Variants in MMP16 observed in about 807,000 individuals in gnomAD.
MMP16 encodes matrix metalloproteinase-16.
In MMP16, 12 loss-of-function variants were observed where a neutral mutation model predicts 67.8. The observed-to-expected ratio is 0.18, with a 90% confidence interval of 0.11 to 0.29. MMP16 has a LOEUF of 0.29. Ranked by LOEUF, MMP16 falls within the 10% of genes least tolerant of loss-of-function variation. The pLI is 1.00. For synonymous variants in MMP16, 249 were observed against 255.9 expected, an observed-to-expected ratio of 0.97 and a Z score of 0.26; for missense variants, 475 against 765.7, an observed-to-expected ratio of 0.62 and a Z score of 4.48.
chr8:88,192,382 T>G (rs1809182680), intron 2 of MMP16, among the ~76,000 whole-genome samples: 1 of 152,172 alleles, frequency 6.6e-6, no homozygotes. Flanking sequence ...CAAAACTGTA[T>G]TAAGCCACTA....
Position 88,122,689 on chromosome 8 carries a change from A to G in MMP16, c.710-3828T>C, listed in dbSNP as rs1008413769. On this transcript the variant is annotated intron_variant, in intron 4 of 9. Coordinates refer to ENST00000286614, the MANE Select transcript of MMP16 (RefSeq NM_005941.5). ...TGCAGCCCTATCAGACTATGTGTACAGTTGGTTTCTCTAGTTGAGAAGCTA... is the reference window on the plus strand; with the variant it reads ...TGCAGCCCTATCAGACTATGTGTACGGTTGGTTTCTCTAGTTGAGAAGCTA... Among the ~76,000 whole-genome samples the G allele has an allele frequency of 2.0e-5, 3 of 151,802 alleles. No individual in the cohort carries two copies. The South Asian group carries it at 6.2e-4, about 32-fold the overall frequency.
At chr8:88,325,697 AGTT>A (rs1454761124) in intron 1 of MMP16, among the ~76,000 whole-genome samples, 10 of 152,214 alleles carry the variant, frequency 6.6e-5, no homozygotes, top group Admixed American at 5.9e-4. Flanking sequence ...AGAAAAATAA[AGTT>A]GTATTTTTCA....
chr8:88,047,878 G>A (rs1176790967), intron 8 of MMP16, among the ~76,000 whole-genome samples: 3 of 152,138 alleles, frequency 2.0e-5, no homozygotes, highest in Admixed American at 2.0e-4. Flanking sequence ...AATGCCAGTC[G>A]GGATGTCACT....
intron 6 of MMP16, among the ~76,000 whole-genome samples, chr8:88,075,224 C>G (rs181675414): frequency 6.6e-6 from 1 of 152,174 alleles, no homozygotes; most frequent in Non-Finnish European, 1.5e-5. Flanking sequence ...AAGTAGAGCC[C>G]TCTTTCATCA....
intron 1 of MMP16, among the ~76,000 whole-genome samples, chr8:88,247,745 T>G (rs1313476165): frequency 6.6e-6 from 1 of 151,794 alleles, no homozygotes; most frequent in East Asian, 2.0e-4. Flanking sequence ...CAGCTGTACC[T>G]TCGCTCCACA....
At chr8:88,133,645 T>A (rs1212062190) in intron 4 of MMP16, among the ~76,000 whole-genome samples, 4 of 151,830 alleles carry the variant, frequency 2.6e-5, no homozygotes, top group Admixed American at 2.6e-4. Context: ...TAATGACTCT[T>A]AAGTCTTAGT....
At chr8:88,194,386 T>G (rs1006132991) in intron 2 of MMP16, among the ~76,000 whole-genome samples, 20 of 152,054 alleles carry the variant, frequency 1.3e-4, no homozygotes, top group Admixed American at 1.1e-3. Context: ...AAGTGTCAGA[T>G]AAAAATTCAT....
chr8:88,067,313 TG>T (rs1250808740), intron 7 of MMP16, among the ~76,000 whole-genome samples: 6 of 152,108 alleles, frequency 3.9e-5, no homozygotes, highest in South Asian at 2.1e-4. Flanking sequence ...CAACATGCTC[TG>T]GAACAACGAA....
chr8:88,070,930 G>C (rs1032485650), intron 7 of MMP16, among the ~76,000 whole-genome samples: 2 of 151,940 alleles, frequency 1.3e-5, no homozygotes, highest in African/African-American at 2.4e-5. Context: ...CCATTATAGT[G>C]CACTATTATG....
At chr8:88,152,020 G>T (rs1808418629) in intron 4 of MMP16, among the ~76,000 whole-genome samples, 1 of 65,332 alleles carries the variant, frequency 1.5e-5, no homozygotes, top group Admixed American at 1.7e-4. Flanking sequence ...AATAAAAAAT[G>T]ATAAAGGGGA....
intron 1 of MMP16, among the ~76,000 whole-genome samples, chr8:88,258,750 G>A (rs1337642125): frequency 6.6e-6 from 1 of 151,792 alleles, no homozygotes; most frequent in Non-Finnish European, 1.5e-5. Context: ...GCTATTGTTC[G>A]CCTATCTCAA....
intron 4 of MMP16, among the ~76,000 whole-genome samples, chr8:88,137,355 G>C (rs1808138526): frequency 6.6e-6 from 1 of 151,902 alleles, no homozygotes; most frequent in Admixed American, 6.6e-5. Flanking sequence ...TGGAATTTTG[G>C]ATAAGGAATA....
At chr8:88,113,947 T>A (rs2118421009) in intron 6 of MMP16, among the ~76,000 whole-genome samples, 1 of 152,084 alleles carries the variant, frequency 6.6e-6, no homozygotes, top group South Asian at 2.1e-4. Flanking sequence ...CTTTTGAAAC[T>A]TTTCTCAATT....
At chr8:88,113,169 G>A (rs1367511022) in intron 6 of MMP16, among the ~76,000 whole-genome samples, 1 of 151,768 alleles carries the variant, frequency 6.6e-6, no homozygotes, top group Non-Finnish European at 1.5e-5. Flanking sequence ...AAATCTTGTT[G>A]AGGAACACAT....
At chr8:88,144,878 A>T (rs1339058285) in intron 4 of MMP16, among the ~76,000 whole-genome samples, 1 of 152,074 alleles carries the variant, frequency 6.6e-6, no homozygotes, top group Non-Finnish European at 1.5e-5. Context: ...CAATTGCTAC[A>T]GAGAAGTCAG....
At chr8:88,220,402 C>T (rs2129843659) in intron 1 of MMP16, among the ~76,000 whole-genome samples, 1 of 152,142 alleles carries the variant, frequency 6.6e-6, no homozygotes. Flanking sequence ...ATAGAAATCC[C>T]TTTGTCTGTA....
intron 4 of MMP16, among the ~76,000 whole-genome samples, chr8:88,164,189 T>C (rs1808675924): frequency 6.6e-6 from 1 of 152,106 alleles, no homozygotes; most frequent in African/African-American, 2.4e-5. Flanking sequence ...GGCTCTTTCA[T>C]TTGCATTTTT....
chr8:88,325,577 C>T (rs1252334751), intron 1 of MMP16, among the ~76,000 whole-genome samples: 1 of 152,200 alleles, frequency 6.6e-6, no homozygotes, highest in Non-Finnish European at 1.5e-5. Context: ...ATTAAATTAT[C>T]TCTTGATTTA....
At chr8:88,304,083 C>T (rs1811175619) in intron 1 of MMP16, among the ~76,000 whole-genome samples, 1 of 152,072 alleles carries the variant, frequency 6.6e-6, no homozygotes, top group South Asian at 2.1e-4. Context: ...GCCAGAATAG[C>T]CAGTTTTGAG....
Sources: gnomAD v4.1 joint callset for allele counts (sites outside exome capture counted in the v4.1 genomes callset) on GRCh38, gnomAD v4.1.1 for gene constraint, MANE v1.5 for transcripts, NCBI Gene and HGNC (gene_info 2026-07-23, HGNC 2026-07-21) for gene names.